The following FANCC variants were observed in gnomAD, a reference collection of about 807,000 sequenced individuals.
FANCC encodes the protein Fanconi anemia group C protein.
In FANCC, 55 loss-of-function variants were observed where a neutral mutation model predicts 71.3. That is an observed-to-expected ratio of 0.77 (90% CI 0.62 to 0.97). The LOEUF (loss-of-function observed/expected upper bound fraction) is 0.97. FANCC is among the 50% of genes least tolerant of loss of function. FANCC has a pLI of 0.00. For synonymous variants in FANCC, 275 were observed against 244.9 expected (o/e 1.12, Z -1.15); for missense variants, 678 against 670.9 (o/e 1.01, Z -0.12).
At chr9:95,106,196 C>T (rs966594481) in intron 14 of FANCC, among the ~76,000 whole-genome samples, 1 of 151,992 alleles carries the variant, frequency 6.6e-6, no homozygotes, top group Non-Finnish European at 1.5e-5. Flanking sequence ...CTTTGCCTTT[C>T]CCTGACCACT....
intron 1 of FANCC, among the ~76,000 whole-genome samples, chr9:95,307,100 G>T: frequency 6.6e-6 from 1 of 152,070 alleles, no homozygotes; most frequent in Non-Finnish European, 1.5e-5. Context: ...GCCCAGGCTC[G>T]TCCTGAACTT....
chr9:95,290,406 G>A (rs948478649), intron 1 of FANCC, among the ~76,000 whole-genome samples: 3 of 152,094 alleles, frequency 2.0e-5, no homozygotes, highest in Non-Finnish European at 2.9e-5. Flanking sequence ...TGATCAACAC[G>A]AACATTAATC....
intron 7 of FANCC, among the ~76,000 whole-genome samples, chr9:95,144,343 T>C (rs1829215395): frequency 1.3e-5 from 2 of 152,200 alleles, no homozygotes; most frequent in South Asian, 2.1e-4. Flanking sequence ...CTGTCCCTTA[T>C]GGATTAGCAG....
At chr9:95,311,709 C>CTG (rs56187288) in intron 1 of FANCC, among the ~76,000 whole-genome samples, 41,657 of 144,426 alleles carry the variant, frequency 0.29, 6,280 homozygotes, top group Middle Eastern at 0.41. Flanking sequence ...TCCTCTGAAT[C>CTG]TGTGTGTGTG....
chr9:95,228,491 T>G (rs1829773313), intron 4 of FANCC, among the ~76,000 whole-genome samples: 1 of 152,224 alleles, frequency 6.6e-6, no homozygotes, highest in Admixed American at 6.5e-5. Context: ...TCCTATTCAT[T>G]TCTTTACTGA....
intron 4 of FANCC, among the ~76,000 whole-genome samples, chr9:95,197,314 A>G (rs985724967): frequency 6.6e-6 from 1 of 152,156 alleles, no homozygotes; most frequent in African/African-American, 2.4e-5. Context: ...AGGTAGGAGG[A>G]CTGTTTGAGC....
At chr9:95,160,609 T>C (rs929697063) in intron 6 of FANCC, among the ~76,000 whole-genome samples, 4 of 152,210 alleles carry the variant, frequency 2.6e-5, no homozygotes, top group African/African-American at 9.6e-5. Flanking sequence ...ATCTATAAAT[T>C]ACCTTGGGCA....
Position 95,099,380 on chromosome 9 carries a change from G to T in FANCC, c.*2327C>A. 2 of 228,062 alleles carry T rather than the reference G, an allele frequency of 8.8e-6. No individual in the cohort carries two copies. The highest frequency in any genetic ancestry group is 1.7e-5 in the Non-Finnish European group (2 of 115,268). The allele number at this position is 228,062 out of a possible 1,614,324, so 14.1% of individuals were successfully genotyped here. A position where few individuals can be genotyped will look rare whatever the true frequency, so the allele number is the denominator to read the frequency against. ...CGCCTTGCCATCCCTGCCTCCCTGC[G>T]GCTGCCCCTGTGCCCAGGCCCCGCC... On this transcript the variant is annotated 3_prime_UTR_variant, in exon 15 of 15. Transcript: ENST00000289081.
intron 4 of FANCC, among the ~76,000 whole-genome samples, chr9:95,193,175 T>G (rs534193310): frequency 1.3e-5 from 2 of 152,088 alleles, no homozygotes; most frequent in Non-Finnish European, 2.9e-5. Flanking sequence ...ATGAAGAGCA[T>G]GCTGATTAGA....
chr9:95,253,785 G>A (rs1434312588), intron 1 of FANCC, among the ~76,000 whole-genome samples: 1 of 150,498 alleles, frequency 6.6e-6, no homozygotes, highest in Non-Finnish European at 1.5e-5. Context: ...TTTTTTCATG[G>A]ACCAGGGCGG....
intron 1 of FANCC, among the ~76,000 whole-genome samples, chr9:95,257,690 C>T (rs554246997): frequency 1.3e-5 from 2 of 152,102 alleles, no homozygotes; most frequent in Non-Finnish European, 2.9e-5. Flanking sequence ...CAGAGCAGAA[C>T]TGAAGGAGAC....
chr9:95,180,712 A>G (rs934431430), intron 4 of FANCC, among the ~76,000 whole-genome samples: 9 of 152,036 alleles, frequency 5.9e-5, no homozygotes, highest in Non-Finnish European at 1.0e-4. Flanking sequence ...ACATAAACCA[A>G]TAACACAGCC....
chr9:95,281,734 G>C lies in FANCC; in HGVS notation c.-78-32365C>G, dbSNP rs554201257. ...AAATAATAGCTACGATAATTTGTTA[G>C]GGGACATGCAATATAAAAAGATATA... On this transcript the variant is annotated intron_variant, in intron 1 of 14. Coordinates refer to ENST00000289081, the MANE Select transcript of FANCC (RefSeq NM_000136.3). 5.3e-5 allele frequency among the ~76,000 whole-genome samples: 8 copies of C among 152,166 alleles called. No individual in the cohort carries two copies. In the South Asian group the frequency reaches 1.7e-3, roughly 32 times the overall value.
chr9:95,141,276 C>T (rs961201653), intron 7 of FANCC, among the ~76,000 whole-genome samples: 1 of 126,912 alleles, frequency 7.9e-6, no homozygotes, highest in African/African-American at 3.0e-5. Context: ...TGTACCACTG[C>T]ACTCTAGCCT....
Position 95,192,108 on chromosome 9 carries a change from A to AATGGGAGG in FANCC, c.346-19969_346-19962dup, listed in dbSNP as rs540562524. Reference sequence around the variant, plus strand: ...TTTTAAGAATGAAGATGCAGGGAACAATGGGAGGAACACCTTGGATGTGAT... The same window carrying AATGGGAGG: ...TTTTAAGAATGAAGATGCAGGGAACAATGGGAGGATGGGAGGAACACCTTGGATGTGAT... On this transcript the variant is annotated intron_variant, in intron 4 of 14. Transcript: ENST00000289081. 2.4e-3 allele frequency among the ~76,000 whole-genome samples: 366 copies of AATGGGAGG among 152,360 alleles called. 2 individuals are homozygous for AATGGGAGG. The highest frequency in any genetic ancestry group is 2.9e-3 in the Non-Finnish European group (194 of 68,040).
At chr9:95,230,731 CCA>C (rs1317135219) in intron 4 of FANCC, among the ~76,000 whole-genome samples, 1 of 152,150 alleles carries the variant, frequency 6.6e-6, no homozygotes, top group Non-Finnish European at 1.5e-5. Context: ...AACAAAGCTT[CCA>C]CAGTGTGGAA....
chr9:95,240,181 A>G (rs1475391285), intron 4 of FANCC, among the ~76,000 whole-genome samples: 1 of 152,248 alleles, frequency 6.6e-6, no homozygotes, highest in South Asian at 2.1e-4. Flanking sequence ...CAGTCTGTGC[A>G]TATGCTGGCT....
At chr9:95,107,025 C>G in intron 14 of FANCC, 41 bp downstream of exon 14, 7 of 1,603,938 alleles carry the variant, frequency 4.4e-6, no homozygotes, top group Non-Finnish European at 6.0e-6. Context: ...TCGCCTGGAG[C>G]AGAAATGAGT....
At chr9:95,224,548 G>A (rs1187558208) in intron 4 of FANCC, among the ~76,000 whole-genome samples, 5 of 150,654 alleles carry the variant, frequency 3.3e-5, no homozygotes, top group African/African-American at 1.2e-4. Flanking sequence ...CATTCACACT[G>A]TTGTGCAACA....
Sources: allele counts gnomAD v4.1 joint callset (sites outside exome capture counted in the v4.1 genomes callset), GRCh38; gene constraint gnomAD v4.1.1; transcripts MANE v1.5; gene names NCBI Gene and HGNC (gene_info 2026-07-23, HGNC 2026-07-21).